LHFPL6: variants seen among roughly 807,000 people sequenced by gnomAD.
LHFPL6 encodes LHFPL tetraspan subfamily member 6 protein.
A neutral mutation model predicts 20.6 loss-of-function variants in LHFPL6; 9 were observed. The observed-to-expected ratio is 0.44, with a 90% confidence interval of 0.26 to 0.76. The LOEUF (loss-of-function observed/expected upper bound fraction) is 0.76. Ranked by LOEUF, LHFPL6 falls within the 30% of genes least tolerant of loss-of-function variation. The pLI is 0.20. For synonymous variants in LHFPL6, 105 were observed against 98.7 expected (o/e 1.06, Z -0.38); for missense variants, 218 against 253.5 (o/e 0.86, Z 0.95).
At chr13:39,399,184 A>G (rs1160624530) in intron 2 of LHFPL6, among the ~76,000 whole-genome samples, 1 of 152,238 alleles carries the variant, frequency 6.6e-6, no homozygotes, top group Non-Finnish European at 1.5e-5. Flanking sequence ...CCAAAAGAGC[A>G]TAGGGTCAAT....
chr13:39,399,233 A>G (rs1196475395), intron 2 of LHFPL6, among the ~76,000 whole-genome samples: 1 of 152,216 alleles, frequency 6.6e-6, no homozygotes, highest in Non-Finnish European at 1.5e-5. Flanking sequence ...ATATATAACC[A>G]TATTTCTATA....
intron 3 of LHFPL6, among the ~76,000 whole-genome samples, chr13:39,366,196 T>C (rs1404351610): frequency 6.6e-6 from 1 of 152,234 alleles, no homozygotes; most frequent in Non-Finnish European, 1.5e-5. Context: ...GATAACACTA[T>C]GACTGGATGG....
At chr13:39,563,833 C>T (rs1018601182) in intron 2 of LHFPL6, among the ~76,000 whole-genome samples, 1 of 152,056 alleles carries the variant, frequency 6.6e-6, no homozygotes, top group South Asian at 2.1e-4. Context: ...GGACTGAAAA[C>T]AAAATTAAGA....
intron 2 of LHFPL6, among the ~76,000 whole-genome samples, chr13:39,559,933 TC>T (rs1324236219): frequency 1.3e-5 from 2 of 152,204 alleles, no homozygotes; most frequent in African/African-American, 4.8e-5. Flanking sequence ...AGAAAATCCT[TC>T]CCACCCTTTA....
At chr13:39,406,655 T>C (rs1402729872) in intron 2 of LHFPL6, among the ~76,000 whole-genome samples, 3 of 152,198 alleles carry the variant, frequency 2.0e-5, no homozygotes, top group African/African-American at 4.8e-5. Flanking sequence ...CTGAATAAAA[T>C]AGTCAATTAT....
chr13:39,540,059 A>G (rs1870748116), intron 2 of LHFPL6, among the ~76,000 whole-genome samples: 1 of 152,180 alleles, frequency 6.6e-6, no homozygotes, highest in African/African-American at 2.4e-5. Flanking sequence ...AAGCTAAATC[A>G]TGATTCAGAT....
intron 2 of LHFPL6, among the ~76,000 whole-genome samples, chr13:39,501,161 C>T (rs541013851): frequency 2.6e-5 from 4 of 152,224 alleles, no homozygotes; most frequent in East Asian, 1.9e-4. Flanking sequence ...CTGTTATTCC[C>T]GGTGTTGTTA....
intron 2 of LHFPL6, among the ~76,000 whole-genome samples, chr13:39,467,822 G>A (rs1304681165): frequency 2.0e-5 from 3 of 152,114 alleles, no homozygotes; most frequent in African/African-American, 7.2e-5. Context: ...TACTGCTCTT[G>A]AAATTGCCAT....
intron 2 of LHFPL6, among the ~76,000 whole-genome samples, chr13:39,482,000 C>G (rs9548779): frequency 6.6e-6 from 1 of 151,888 alleles, no homozygotes; most frequent in Non-Finnish European, 1.5e-5. Flanking sequence ...AAAGTTCATT[C>G]CGGCCATGTT....
chr13:39,444,091 G>T (rs1157900613), intron 2 of LHFPL6, among the ~76,000 whole-genome samples: 1 of 152,134 alleles, frequency 6.6e-6, no homozygotes, highest in Non-Finnish European at 1.5e-5. Context: ...CAGTTGTAAA[G>T]AACTTCATGG....
At chr13:39,439,263 G>C (rs1348362690) in intron 2 of LHFPL6, among the ~76,000 whole-genome samples, 1 of 152,202 alleles carries the variant, frequency 6.6e-6, no homozygotes, top group Non-Finnish European at 1.5e-5. Flanking sequence ...TTGCCCTGCT[G>C]GGTGCAGGAC....
intron 2 of LHFPL6, among the ~76,000 whole-genome samples, chr13:39,425,460 G>C (rs1044641369): frequency 2.0e-5 from 3 of 152,174 alleles, no homozygotes; most frequent in Non-Finnish European, 2.9e-5. Flanking sequence ...GAGCCATACA[G>C]TAAGTGTTTA....
intron 2 of LHFPL6, among the ~76,000 whole-genome samples, chr13:39,484,113 C>T (rs778862064): frequency 1.4e-4 from 21 of 152,246 alleles, no homozygotes; most frequent in South Asian, 4.1e-4. Context: ...ATGCCATTCA[C>T]GTGACAATCA....
chr13:39,583,575 T>C (rs1405330776), intron 2 of LHFPL6, among the ~76,000 whole-genome samples: 2 of 152,128 alleles, frequency 1.3e-5, no homozygotes, highest in Non-Finnish European at 2.9e-5. Context: ...AGAATGACAT[T>C]TTCTCTTTCC....
At chr13:39,364,119 T>C (rs1403333679) in intron 3 of LHFPL6, among the ~76,000 whole-genome samples, 1 of 152,218 alleles carries the variant, frequency 6.6e-6, no homozygotes, top group African/African-American at 2.4e-5. Flanking sequence ...CATGTCAATA[T>C]AAGTAAACTA....
At chr13:39,474,017 G>A (rs564563165) in intron 2 of LHFPL6, among the ~76,000 whole-genome samples, 2 of 152,328 alleles carry the variant, frequency 1.3e-5, no homozygotes, top group South Asian at 2.1e-4. Context: ...TTTGGGGAAA[G>A]GGTAACTATT....
rs561872210 is a variant in LHFPL6 at position 39,414,311 on chromosome 13, C to T, written c.386-35785G>A. On this transcript the variant is annotated intron_variant, in intron 2 of 3. Coordinates refer to ENST00000379589, the MANE Select transcript of LHFPL6 (RefSeq NM_005780.3). ...AATGAGAAATGCTTAATAAAATAAG[C>T]ATTAGCTGTGAGAATATGTGTCAAC... is the stretch of plus-strand genomic sequence containing the variant. Among the ~76,000 whole-genome samples, 278 of 152,316 alleles carry T rather than the reference C, an allele frequency of 1.8e-3. 3 individuals are homozygous for T. The highest frequency in any genetic ancestry group is 6.4e-3 in the African/African-American group (264 of 41,568).
chr13:39,364,192 G>A (rs957407790), intron 3 of LHFPL6, among the ~76,000 whole-genome samples: 1 of 152,212 alleles, frequency 6.6e-6, no homozygotes, highest in African/African-American at 2.4e-5. Flanking sequence ...GAAGAGAGTA[G>A]AGATGGGCCA....
chr13:39,496,152 C>A (rs1387770396), intron 2 of LHFPL6, among the ~76,000 whole-genome samples: 1 of 152,164 alleles, frequency 6.6e-6, no homozygotes, highest in African/African-American at 2.4e-5. Flanking sequence ...AAATACCATA[C>A]CCCGAGTAAC....
Sources: gnomAD v4.1 joint callset for allele counts (sites outside exome capture counted in the v4.1 genomes callset) on GRCh38, gnomAD v4.1.1 for gene constraint, MANE v1.5 for transcripts, NCBI Gene and HGNC (gene_info 2026-07-23, HGNC 2026-07-21) for gene names.